SPMIP4: variants seen among roughly 807,000 people sequenced by gnomAD.
The protein encoded by SPMIP4 is sperm microtubule inner protein 4.
At chr7:25,136,307 C>G in the SPMIP4 span, 2 of 1,614,166 alleles carry the variant, frequency 1.2e-6, no homozygotes, top group South Asian at 1.1e-5. This position sits in a 1 kb window ranked among gnomAD's most constrained non-coding sequence, Gnocchi z 5.7. Flanking sequence ...CTAACAGGGT[C>G]TGGACACATA....
the SPMIP4 span, among the ~76,000 whole-genome samples, chr7:25,155,411 C>A: frequency 1.3e-5 from 2 of 152,068 alleles, no homozygotes; most frequent in African/African-American, 4.8e-5. Context: ...TTTTGCTAGA[C>A]AAAACTAAAT....
chr7:25,157,599 T>A, the SPMIP4 span, among the ~76,000 whole-genome samples: 2,600 of 152,264 alleles, frequency 0.017, 85 homozygotes, highest in African/African-American at 0.06. Flanking sequence ...AAGAAAAATG[T>A]CAGTCAAAGC....
At chr7:25,163,618 C>G in the SPMIP4 span, among the ~76,000 whole-genome samples, 1 of 152,194 alleles carries the variant, frequency 6.6e-6, no homozygotes, top group African/African-American at 2.4e-5. The surrounding 1 kb of genome is among the most constrained non-coding windows in gnomAD (Gnocchi z 4.4). Flanking sequence ...GTGACATGAA[C>G]TTCCCTCACT....
chr7:25,163,894 A>C, the SPMIP4 span, among the ~76,000 whole-genome samples: 84,490 of 152,050 alleles, frequency 0.56, 23,796 homozygotes, highest in Non-Finnish European at 0.6. This position sits in a 1 kb window ranked among gnomAD's most constrained non-coding sequence, Gnocchi z 4.4. Context: ...CATTGCCATG[A>C]CGTATTAAAC....
At chr7:25,128,690 C>G in the SPMIP4 span, among the ~76,000 whole-genome samples, 1 of 152,216 alleles carries the variant, frequency 6.6e-6, no homozygotes, top group Non-Finnish European at 1.5e-5. The surrounding 1 kb of genome is among the most constrained non-coding windows in gnomAD (Gnocchi z 4.5). Context: ...GTGCCCTACT[C>G]CCCAGTAGCT....
the SPMIP4 span, chr7:25,136,912 A>G: frequency 1.2e-5 from 11 of 927,934 alleles, no homozygotes; most frequent in Non-Finnish European, 1.8e-5. This position sits in a 1 kb window ranked among gnomAD's most constrained non-coding sequence, Gnocchi z 5.7. Context: ...AGGAGTGTAC[A>G]TTGCAATGCT....
At chr7:25,135,157 C>A in the SPMIP4 span, 1 of 372,940 alleles carries the variant, frequency 2.7e-6, no homozygotes, top group Non-Finnish European at 3.7e-6. Flanking sequence ...TCTTAGAGAA[C>A]ACACTCCAGA....
chr7:25,130,315 T>G, the SPMIP4 span, among the ~76,000 whole-genome samples: 1 of 148,854 alleles, frequency 6.7e-6, no homozygotes, highest in Non-Finnish European at 1.5e-5. Context: ...ATCACTTCTT[T>G]TTTTTTTTTT....
the SPMIP4 span, among the ~76,000 whole-genome samples, chr7:25,169,563 CATTT>C: frequency 6.6e-6 from 1 of 151,968 alleles, no homozygotes; most frequent in Non-Finnish European, 1.5e-5. Context: ...TACTCCATTC[CATTT>C]ATTTATTTAT....
At chr7:25,160,239 T>C in the SPMIP4 span, among the ~76,000 whole-genome samples, 1 of 67,306 alleles carries the variant, frequency 1.5e-5, no homozygotes, top group Admixed American at 1.8e-4. Flanking sequence ...CAACAACTAG[T>C]ACTTCTTAAT....
At chr7:25,154,449 G>A in the SPMIP4 span, among the ~76,000 whole-genome samples, 7 of 152,240 alleles carry the variant, frequency 4.6e-5, no homozygotes, top group African/African-American at 1.7e-4. Context: ...GAGATTCGAT[G>A]ACTAGTGTAC....
chr7:25,146,720 A>C, the SPMIP4 span, among the ~76,000 whole-genome samples: 1 of 152,226 alleles, frequency 6.6e-6, no homozygotes, highest in Non-Finnish European at 1.5e-5. Context: ...TTAGGTTTGC[A>C]GAAAGCTGGG....
the SPMIP4 span, among the ~76,000 whole-genome samples, chr7:25,153,804 G>A: frequency 6.6e-6 from 1 of 152,090 alleles, no homozygotes; most frequent in Non-Finnish European, 1.5e-5. Flanking sequence ...TTCTGCTATA[G>A]AGCTAAGCAT....
At chr7:25,146,593 A>ATGGGCATTT in the SPMIP4 span, among the ~76,000 whole-genome samples, 7 of 152,162 alleles carry the variant, frequency 4.6e-5, no homozygotes, top group African/African-American at 1.7e-4. Flanking sequence ...TAGGATGGGA[A>ATGGGCATTT]TGGGCATTTT....
chr7:25,159,713 T>C, the SPMIP4 span, among the ~76,000 whole-genome samples: 1 of 152,228 alleles, frequency 6.6e-6, no homozygotes, highest in African/African-American at 2.4e-5. Flanking sequence ...AGTTTATATC[T>C]TTTTAAATTT....
the SPMIP4 span, among the ~76,000 whole-genome samples, chr7:25,174,086 C>T: frequency 5.3e-5 from 8 of 152,168 alleles, no homozygotes; most frequent in African/African-American, 1.7e-4. This position sits in a 1 kb window ranked among gnomAD's most constrained non-coding sequence, Gnocchi z 4.5. Flanking sequence ...CACTTCATTG[C>T]TTTCTGATTC....
At chr7:25,174,124 T>C in the SPMIP4 span, among the ~76,000 whole-genome samples, 20 of 152,208 alleles carry the variant, frequency 1.3e-4, no homozygotes, top group African/African-American at 4.8e-4. The surrounding 1 kb of genome is among the most constrained non-coding windows in gnomAD (Gnocchi z 4.5). Context: ...ATGATAGTTA[T>C]CTGCCAACTC....
the SPMIP4 span, among the ~76,000 whole-genome samples, chr7:25,158,808 T>G: frequency 1.3e-5 from 2 of 151,514 alleles, no homozygotes; most frequent in South Asian, 4.2e-4. Flanking sequence ...TACTCAGGAT[T>G]ACCCAGGAGG....
the SPMIP4 span, among the ~76,000 whole-genome samples, chr7:25,145,556 T>A: frequency 1.2e-4 from 18 of 152,182 alleles, no homozygotes; most frequent in African/African-American, 4.1e-4. Flanking sequence ...ATTGGCTCGA[T>A]ACACTAAACT....
Sources: gnomAD v4.1 joint callset for allele counts (sites outside exome capture counted in the v4.1 genomes callset) on GRCh38, gnomAD v4.1.1 for gene constraint, Gnocchi (gnomAD v3.1) non-coding constraint, MANE v1.5 for transcripts, NCBI Gene and HGNC (gene_info 2026-07-23, HGNC 2026-07-21) for gene names.